The following LRRC41 variants were observed in gnomAD, a reference collection of about 807,000 sequenced individuals.
LRRC41 encodes the protein leucine-rich repeat-containing protein 41.
In LRRC41, 17 loss-of-function variants were observed where a neutral mutation model predicts 72.1. The ratio of observed to expected loss-of-function variants is 0.24; its 90% CI spans 0.16 to 0.35. The LOEUF (loss-of-function observed/expected upper bound fraction) is 0.35. Ranked by LOEUF, LRRC41 falls within the 10% of genes least tolerant of loss-of-function variation. LRRC41 has a pLI of 1.00. For synonymous variants in LRRC41, 427 were observed against 431.0 expected (o/e 0.99, Z 0.11); for missense variants, 759 against 1,065.0 (o/e 0.71, Z 4.00).
rs756150051 is a variant in LRRC41 at position 46,278,142 on chromosome 1, G to T, written c.*723C>A. ...CCCTGATGGTTCTGACTGCACTTCA[G>T]ACCTGGCAGGGTGGAACCACTGCAC... On this transcript the variant is annotated 3_prime_UTR_variant, in exon 10 of 10. Coordinates refer to ENST00000617190, the MANE Select transcript of LRRC41 (RefSeq NM_006369.5). 2 of 1,613,780 alleles carry T rather than the reference G, an allele frequency of 1.2e-6. No individual in the cohort carries two copies. The highest frequency in any genetic ancestry group is 2.2e-5 in the South Asian group (2 of 90,984).
chr1:46,297,322 C>T, intron 3 of LRRC41: 1 of 429,248 alleles, frequency 2.3e-6, no homozygotes, highest in Non-Finnish European at 4.3e-6. Flanking sequence ...AATCCTGGCT[C>T]TGCCATCCAT....
At position 46,298,281 on chromosome 1, in the gene LRRC41, C is replaced by G; in HGVS notation, c.286+3G>C. ...ACTGAGAAAGAGACAGAAAGATACTCACCTTTCTTGAGGGCAGTTTCCTCA... is the reference window on the plus strand; with the variant it reads ...ACTGAGAAAGAGACAGAAAGATACTGACCTTTCTTGAGGGCAGTTTCCTCA... On this transcript the variant is annotated splice_donor_region_variant and intron_variant, in intron 2 of 9. Transcript: ENST00000617190. The G allele has an allele frequency of 6.4e-7, 1 of 1,574,266 alleles. No individual in the cohort carries two copies. Among genetic ancestry groups the G allele is most frequent in the African/African-American group, 1.4e-5 (1 of 73,960 alleles).
intron 5 of LRRC41, 36 bp from the exon 6 acceptor site, chr1:46,280,596 A>G: frequency 6.2e-7 from 1 of 1,606,296 alleles, no homozygotes. Context: ...CCAGCTGGCC[A>G]TCTCTACCTC....
At chr1:46,293,055 G>A (rs1057103125) in intron 3 of LRRC41, among the ~76,000 whole-genome samples, 12 of 152,044 alleles carry the variant, frequency 7.9e-5, no homozygotes, top group East Asian at 7.7e-4. Context: ...ATGGTGGCAC[G>A]CACTTGTAGT....
chr1:46,293,386 C>CTGT (rs1208896528), intron 3 of LRRC41, among the ~76,000 whole-genome samples: 7 of 151,392 alleles, frequency 4.6e-5, no homozygotes, highest in African/African-American at 1.5e-4. Flanking sequence ...ACTAGAGGCG[C>CTGT]ACACCAGCAC....
In LRRC41 at chr1:46,286,007, A is replaced by T; in HGVS notation, c.850T>A (p.Leu284Met). The T allele has an allele frequency of 4.5e-6, 7 of 1,568,264 alleles. No individual in the cohort carries two copies. The highest frequency in any genetic ancestry group is 6.1e-6 in the Non-Finnish European group (7 of 1,156,800). The change falls in exon 4 of 10, where the codon TTG becomes ATG. Residue 284 changes from leucine to methionine, a missense_variant. Coordinates refer to ENST00000617190, the MANE Select transcript of LRRC41 (RefSeq NM_006369.5). The surrounding 1 kb of genome is among the most constrained non-coding windows in gnomAD (Gnocchi z 5.5). ...APSRDEGSLL[L>M]GSRRPRRDAA... ...TCCCGGCGGGGCCGACGTGAGCCCA[A>T]TAAGAGGGACCCTTCATCTCGGGAT... is the stretch of plus-strand genomic sequence containing the variant.
At chr1:46,291,495 C>G (rs943209950) in intron 3 of LRRC41, among the ~76,000 whole-genome samples, 1 of 149,428 alleles carries the variant, frequency 6.7e-6, no homozygotes, top group Non-Finnish European at 1.5e-5. Context: ...CCACTATGCA[C>G]AGCTAATTTT....
At chr1:46,292,421 C>CA (rs1215735662) in intron 3 of LRRC41, among the ~76,000 whole-genome samples, 3 of 152,114 alleles carry the variant, frequency 2.0e-5, no homozygotes, top group Non-Finnish European at 4.4e-5. Flanking sequence ...AAAGTCTGAA[C>CA]AAATATTACC....
rs1660887956 is a variant in LRRC41 at position 46,286,576 on chromosome 1, C to G, written c.358-77G>C. ...CAAATTTCCCTCTCTTCCAATAGCA[C>G]ACTATTTACTGAGTCAGGCAACACT... On this transcript the variant is annotated intron_variant, in intron 3 of 9. Coordinates refer to ENST00000617190, the MANE Select transcript of LRRC41 (RefSeq NM_006369.5). The surrounding 1 kb of genome is among the most constrained non-coding windows in gnomAD (Gnocchi z 5.5). 3 of 1,330,064 alleles carry G rather than the reference C, an allele frequency of 2.3e-6. No homozygotes were observed. The East Asian group carries it at 7.0e-5, about 31-fold the overall frequency. 82.4% of individuals were successfully genotyped at this position (1,330,064 alleles called of 1,614,324 possible).
chr1:46,284,303 T>G (rs1247882924), intron 4 of LRRC41: 1 of 152,186 alleles, frequency 6.6e-6, no homozygotes, highest in East Asian at 1.9e-4. Context: ...TTTGAAAGCA[T>G]GAATCTGCAG....
chr1:46,292,905 G>A (rs1016428068), intron 3 of LRRC41, among the ~76,000 whole-genome samples: 13 of 152,116 alleles, frequency 8.5e-5, no homozygotes, highest in Non-Finnish European at 1.5e-4. Flanking sequence ...AGCACTCTCG[G>A]CTGGGCACGG....
Position 46,278,314 on chromosome 1 carries a change from G to T in LRRC41, c.*551C>A. 1.3e-6 allele frequency: 2 copies of T among 1,580,132 alleles called. No individual in the cohort carries two copies. On this transcript the variant is annotated 3_prime_UTR_variant, in exon 10 of 10. Transcript: ENST00000617190. ...GCTGGTCTGGGTGTAGCTCTTAGAGGAAGGAGATAGGGAAAAGGGGCTCCT... is the reference window on the plus strand; with the variant it reads ...GCTGGTCTGGGTGTAGCTCTTAGAGTAAGGAGATAGGGAAAAGGGGCTCCT...
rs369577873 is a variant in LRRC41 at position 46,296,417 on chromosome 1, CAAACAAAACA to C, written c.357+1136_357+1145del. Among the ~76,000 whole-genome samples the C allele has an allele frequency of 7.4e-3, 1,119 of 152,024 alleles. 9 individuals carry two copies. Among genetic ancestry groups the C allele is most frequent in the African/African-American group, 0.018 (749 of 41,418 alleles). On this transcript the variant is annotated intron_variant, in intron 3 of 9. Coordinates refer to ENST00000617190, the MANE Select transcript of LRRC41 (RefSeq NM_006369.5). ...GGACAACAAGGGCAAAACTCCGTCT[CAAACAAAACA>C]AAACAAAACAAAACAAAACAAAACT... is the stretch of plus-strand genomic sequence containing the variant.
At chr1:46,287,370 A>T (rs576123712) in intron 3 of LRRC41, among the ~76,000 whole-genome samples, 1 of 151,910 alleles carries the variant, frequency 6.6e-6, no homozygotes, top group South Asian at 2.1e-4. Context: ...GGCCTCCCAA[A>T]GTGCTGGGAT....
rs761047551 is a variant in LRRC41 at position 46,286,372 on chromosome 1, C to A, written c.485G>T (p.Arg162Leu). 6.2e-7 allele frequency: 1 copy of A among 1,614,114 alleles called. No homozygotes were observed. Among genetic ancestry groups the A allele is most frequent in the Non-Finnish European group, 8.5e-7 (1 of 1,180,010 alleles). ...ACAGATGGTGAGCTGTCGGACATGG[C>A]GGGAGCTGTGCAGAAGAGGTGAGAA... ...QRFSPLLHSS[R>L]HVRQLTICNM... The change falls in exon 4 of 10, where the codon CGC becomes CTC. Residue 162 changes from arginine to leucine, a missense_variant. Around this residue, in one of 4 missense-constraint regions of LRRC41, gnomAD observed 116 missense variants for 250.9 expected, o/e 0.46. Coordinates refer to ENST00000617190, the MANE Select transcript of LRRC41 (RefSeq NM_006369.5). This position sits in a 1 kb window ranked among gnomAD's most constrained non-coding sequence, Gnocchi z 5.5.
At position 46,302,281 on chromosome 1, in the gene LRRC41, G is replaced by A. The variant is rs949500849; in HGVS notation, c.199+843C>T. ...ATCCCCGGGCCGTCGCCCCGCTTGG[G>A]GCCTCCTTGGCCCTTCCCGCCTGTC... On this transcript the variant is annotated intron_variant, in intron 1 of 9. Coordinates refer to ENST00000617190, the MANE Select transcript of LRRC41 (RefSeq NM_006369.5). This position sits in a 1 kb window ranked among gnomAD's most constrained non-coding sequence, Gnocchi z 4.7. 1.0e-6 allele frequency: 1 copy of A among 985,148 alleles called. No individual in the cohort carries two copies. Among genetic ancestry groups the A allele is most frequent in the African/African-American group, 1.7e-5 (1 of 57,192 alleles). 61.0% of individuals were successfully genotyped at this position (985,148 alleles called of 1,614,324 possible). A position where few individuals can be genotyped will look rare whatever the true frequency, so the allele number is the denominator to read the frequency against.
In LRRC41 at chr1:46,279,040, C is replaced by A. The variant is rs147608802; in HGVS notation, c.2264G>T (p.Arg755Leu). 3 of 1,610,948 alleles carry A rather than the reference C, an allele frequency of 1.9e-6. No homozygotes were observed. Among genetic ancestry groups the A allele is most frequent in the East Asian group, 4.5e-5 (2 of 44,870 alleles). ...KPDGLLEFAKRLERWGRGAFG... is the reference protein window; with the variant it reads ...KPDGLLEFAKLLERWGRGAFG... ...GGCTCCACGGCCCCAGCGCTCCAGCCGCTTGGCGAACTCCAGAAGCCCATC... is the reference window on the plus strand; with the variant it reads ...GGCTCCACGGCCCCAGCGCTCCAGCAGCTTGGCGAACTCCAGAAGCCCATC... Residue 755 changes from arginine (R) to leucine (L), a missense_variant, in exon 10 of 10, where the codon CGG (arginine) becomes CTG (leucine). Physicochemically the swap from Arg to Leu is moderately radical, Grantham distance 102. Transcript: ENST00000617190. The surrounding 1 kb of genome is among the most constrained non-coding windows in gnomAD (Gnocchi z 4.5).
At chr1:46,300,643 A>T (rs996369534) in intron 1 of LRRC41, 1 of 152,252 alleles carries the variant, frequency 6.6e-6, no homozygotes, top group Non-Finnish European at 1.5e-5. Flanking sequence ...AAACCCTTGG[A>T]GGTCTCTCTG....
At chr1:46,296,826 G>A (rs1193694219) in intron 3 of LRRC41, 1 of 152,154 alleles carries the variant, frequency 6.6e-6, no homozygotes, top group Non-Finnish European at 1.5e-5. Flanking sequence ...TAAACTTCAG[G>A]TTAGCAAAAA....
Sources: allele counts gnomAD v4.1 joint callset (sites outside exome capture counted in the v4.1 genomes callset), GRCh38; gene constraint gnomAD v4.1.1; regional missense constraint gnomAD v4.1.1; non-coding constraint Gnocchi (gnomAD v3.1); transcripts MANE v1.5; gene names NCBI Gene and HGNC (gene_info 2026-07-23, HGNC 2026-07-21).